The following SLC41A2 variants were observed in gnomAD, a reference collection of about 807,000 sequenced individuals.
The protein encoded by SLC41A2 is SLC41A1-like 1.
In SLC41A2, 32 loss-of-function variants were observed where a neutral mutation model predicts 58.3. The observed-to-expected ratio is 0.55, with a 90% confidence interval of 0.41 to 0.74. SLC41A2 has a LOEUF of 0.74. Ranked by LOEUF, SLC41A2 falls within the 30% of genes least tolerant of loss-of-function variation. SLC41A2 has a pLI of 0.00. For synonymous variants in SLC41A2, 190 were observed against 235.0 expected (o/e 0.81, Z 1.75); for missense variants, 514 against 680.6 (o/e 0.76, Z 2.72).
intron 2 of SLC41A2, among the ~76,000 whole-genome samples, chr12:104,924,284 ATAGAG>A (rs1437671582): frequency 1.3e-5 from 2 of 152,354 alleles, no homozygotes; most frequent in East Asian, 3.9e-4. Context: ...AAATAAGAAT[ATAGAG>A]TATTGAGATC....
At position 104,853,912 on chromosome 12, in the gene SLC41A2, T is replaced by TTATTATTATTATTA. The variant is rs1555202445; in HGVS notation, c.1255+7378_1255+7379insTAATAATAATAATA. 5.9e-3 allele frequency among the ~76,000 whole-genome samples: 304 copies of TTATTATTATTATTA among 51,332 alleles called. 19 individuals carry two copies. Among genetic ancestry groups the TTATTATTATTATTA allele is most frequent in the Non-Finnish European group, 9.0e-3 (249 of 27,798 alleles). 33.7% of individuals were successfully genotyped at this position (51,332 alleles called of 152,430 possible). A position where few individuals can be genotyped will look rare whatever the true frequency, so the allele number is the denominator to read the frequency against. On this transcript the variant is annotated intron_variant, in intron 8 of 10. Transcript: ENST00000258538. ...GGTGCATGTCACCATGCCTGGCTGA[T>TTATTATTATTATTA]TTTTTTTTTTTTTTTTTTTTTTTTT...
At chr12:104,939,286 C>T (rs1593178325) in intron 1 of SLC41A2, among the ~76,000 whole-genome samples, 1 of 152,346 alleles carries the variant, frequency 6.6e-6, no homozygotes. Flanking sequence ...AAGCCTCAAA[C>T]TCCTGGACTC....
chr12:104,924,705 T>C (rs1427195534), intron 2 of SLC41A2, among the ~76,000 whole-genome samples: 1 of 151,648 alleles, frequency 6.6e-6, no homozygotes, highest in Non-Finnish European at 1.5e-5. Context: ...GACTGCACCA[T>C]TGCACTCCAG....
intron 3 of SLC41A2, among the ~76,000 whole-genome samples, chr12:104,907,298 AG>A (rs1193696182): frequency 1.3e-5 from 2 of 151,172 alleles, no homozygotes; most frequent in Non-Finnish European, 2.9e-5. Context: ...CTTCAGCCCA[AG>A]GAGCTCCTAT....
intron 4 of SLC41A2, among the ~76,000 whole-genome samples, chr12:104,891,434 T>C (rs2044962034): frequency 6.6e-6 from 1 of 151,638 alleles, no homozygotes; most frequent in Admixed American, 6.6e-5. Context: ...CATATTACTT[T>C]GTAAGAGTTC....
chr12:104,917,999 A>T (rs1475881977), intron 2 of SLC41A2, among the ~76,000 whole-genome samples: 1 of 147,950 alleles, frequency 6.8e-6, no homozygotes, highest in Non-Finnish European at 1.5e-5. Flanking sequence ...TATATATATA[A>T]AATATATATA....
intron 8 of SLC41A2, among the ~76,000 whole-genome samples, chr12:104,856,160 AATATTGC>A (rs934468116): frequency 3.0e-4 from 46 of 152,348 alleles, no homozygotes; most frequent in African/African-American, 1.1e-3. Context: ...TGGATGAGAC[AATATTGC>A]CCATAAAGAA....
intron 3 of SLC41A2, among the ~76,000 whole-genome samples, chr12:104,895,798 A>G (rs1016633497): frequency 6.6e-6 from 1 of 152,192 alleles, no homozygotes; most frequent in African/African-American, 2.4e-5. Flanking sequence ...TATACAATTT[A>G]TATTTGAGTC....
intron 2 of SLC41A2, among the ~76,000 whole-genome samples, chr12:104,912,776 G>A (rs1593127827): frequency 6.6e-6 from 1 of 152,108 alleles, no homozygotes; most frequent in Non-Finnish European, 1.5e-5. Context: ...CTCAAGCGGA[G>A]GACAGTCTTT....
chr12:104,827,808 G>A (rs1487679822), intron 10 of SLC41A2, among the ~76,000 whole-genome samples: 2 of 152,098 alleles, frequency 1.3e-5, no homozygotes, highest in Non-Finnish European at 2.9e-5. Context: ...AGCTAAGGCC[G>A]GTCATCGTCC....
intron 3 of SLC41A2, among the ~76,000 whole-genome samples, chr12:104,899,016 T>C (rs982557175): frequency 2.6e-5 from 4 of 152,230 alleles, no homozygotes; most frequent in Admixed American, 6.5e-5. Context: ...CTCTCATTCA[T>C]TGCTGGTGTA....
At chr12:104,877,370 C>T (rs917699219) in intron 6 of SLC41A2, among the ~76,000 whole-genome samples, 49 of 151,768 alleles carry the variant, frequency 3.2e-4, no homozygotes, top group African/African-American at 1.1e-3. Flanking sequence ...AACAAATTAA[C>T]TATGGGATTG....
At chr12:104,823,847 T>C (rs1422400829) in intron 10 of SLC41A2, among the ~76,000 whole-genome samples, 1 of 152,166 alleles carries the variant, frequency 6.6e-6, no homozygotes, top group Non-Finnish European at 1.5e-5. Context: ...ATATACAGCA[T>C]AAGGACTAAA....
chr12:104,913,253 C>T (rs1003531102), intron 2 of SLC41A2, among the ~76,000 whole-genome samples: 5 of 152,164 alleles, frequency 3.3e-5, no homozygotes, highest in African/African-American at 1.2e-4. Context: ...AAGAGGACAG[C>T]GTGACCTTGA....
chr12:104,897,674 CT>C (rs1300464759), intron 3 of SLC41A2, among the ~76,000 whole-genome samples: 7 of 152,142 alleles, frequency 4.6e-5, no homozygotes, highest in Middle Eastern at 3.4e-3. Flanking sequence ...TAAACAATAA[CT>C]TTTTTTATAA....
At chr12:104,930,454 G>C (rs1338335675) in intron 1 of SLC41A2, among the ~76,000 whole-genome samples, 1 of 152,178 alleles carries the variant, frequency 6.6e-6, no homozygotes, top group Non-Finnish European at 1.5e-5. Flanking sequence ...GTGGGTGTCT[G>C]TTCCTTCAAC....
At chr12:104,805,979 G>T (rs557000880) in intron 10 of SLC41A2, among the ~76,000 whole-genome samples, 2 of 152,130 alleles carry the variant, frequency 1.3e-5, no homozygotes, top group Non-Finnish European at 2.9e-5. Context: ...AAAGACTTTT[G>T]TGAAGCTTTG....
At chr12:104,810,274 C>G (rs1296346202) in intron 10 of SLC41A2, among the ~76,000 whole-genome samples, 11 of 151,882 alleles carry the variant, frequency 7.2e-5, no homozygotes, top group Admixed American at 7.2e-4. Flanking sequence ...GTAAATTTAC[C>G]TTCTGTATGG....
chr12:104,901,605 A>G (rs113002320), intron 3 of SLC41A2, among the ~76,000 whole-genome samples: 11 of 152,128 alleles, frequency 7.2e-5, no homozygotes, highest in African/African-American at 2.7e-4. Flanking sequence ...GCTGGAGTGC[A>G]GTGGCCCCAT....
Sources: gnomAD v4.1 joint callset for allele counts (sites outside exome capture counted in the v4.1 genomes callset) on GRCh38, gnomAD v4.1.1 for gene constraint, MANE v1.5 for transcripts, NCBI Gene and HGNC (gene_info 2026-07-23, HGNC 2026-07-21) for gene names.